The following MYO5B variants were observed in gnomAD, a reference collection of about 807,000 sequenced individuals.
MYO5B encodes the protein myosin VB, also known as unconventional myosin-Vb.
Under a neutral mutation model 229.3 loss-of-function variants are expected in MYO5B, and 143 were observed. That is an observed-to-expected ratio of 0.62 (90% CI 0.54 to 0.72). MYO5B has a LOEUF of 0.72. Among genes scored for constraint, MYO5B ranks in the 30% least tolerant of loss-of-function variants. MYO5B has a pLI of 0.00. For missense variants in MYO5B, 2,321 were observed against 2,331.0 expected (o/e 1.00, Z 0.09); for synonymous variants, 918 against 885.2 (o/e 1.04, Z -0.66).
chr18:49,876,879 C>A (rs1247506037), intron 25 of MYO5B, among the ~76,000 whole-genome samples: 1 of 152,206 alleles, frequency 6.6e-6, no homozygotes, highest in Non-Finnish European at 1.5e-5. Context: ...TTCTCTATTG[C>A]TGATGGTCTC....
Position 50,070,018 on chromosome 18 carries a change from C to CTTTTT in MYO5B, c.28-14645_28-14641dup, listed in dbSNP as rs765610800. On this transcript the variant is annotated intron_variant, in intron 1 of 39. Coordinates refer to ENST00000285039, the MANE Select transcript of MYO5B (RefSeq NM_001080467.3). ...CTTACCTGAAATATTGCAATTTAGTCTTTTTTTTTTTTTTTTTTTTTGAGA... is the reference window on the plus strand; with the variant it reads ...CTTACCTGAAATATTGCAATTTAGTCTTTTTTTTTTTTTTTTTTTTTTTTTTGAGA... 2.6e-4 allele frequency among the ~76,000 whole-genome samples: 29 copies of CTTTTT among 110,058 alleles called. No homozygotes were observed. The South Asian group carries it at 4.1e-3, about 16-fold the overall frequency. The allele number at this position is 110,058 out of a possible 152,430, so 72.2% of individuals were successfully genotyped here.
At chr18:49,991,954 A>T (rs1252641728) in intron 6 of MYO5B, among the ~76,000 whole-genome samples, 1 of 152,366 alleles carries the variant, frequency 6.6e-6, no homozygotes, top group East Asian at 1.9e-4. Context: ...CGTATTTATG[A>T]CATTCCCCTG....
intron 4 of MYO5B, among the ~76,000 whole-genome samples, chr18:50,003,689 T>C (rs1430171907): frequency 6.6e-6 from 1 of 152,154 alleles, no homozygotes. Flanking sequence ...GTATCTGCAA[T>C]AAGGAGAACT....
rs747567561 is a variant in MYO5B at position 50,040,281 on chromosome 18, G to A, written c.172C>T (p.Gln58Ter). The change falls in exon 3 of 40, where the codon CAG becomes TAG. Residue 58 changes from glutamine to a stop codon, truncating the protein, a stop_gained. Transcript: ENST00000285039. LOFTEE classifies it high-confidence loss of function. ...TCTGGATTCCGTAAGAAGGGCAGCT[G>A]GTTGCGTTGTACATCAATTGGGTAT... Reference protein sequence around the residue: ...LEYPIDVQRNQLPFLRNPDIL... With the variant: ...LEYPIDVQRN 2 of 1,614,062 alleles carry A rather than the reference G, an allele frequency of 1.2e-6. No homozygotes were observed. Among genetic ancestry groups the A allele is most frequent in the South Asian group, 2.2e-5 (2 of 91,058 alleles).
At chr18:50,119,400 G>A (rs2032021228) in intron 1 of MYO5B, among the ~76,000 whole-genome samples, 1 of 152,108 alleles carries the variant, frequency 6.6e-6, no homozygotes, top group African/African-American at 2.4e-5. Context: ...ACCAACAGCT[G>A]CATTCCATCT....
chr18:50,130,484 T>G (rs1172539741), intron 1 of MYO5B, among the ~76,000 whole-genome samples: 3 of 152,170 alleles, frequency 2.0e-5, no homozygotes, highest in Non-Finnish European at 4.4e-5. Flanking sequence ...CACATGCGGT[T>G]CATTTCTGTG....
At position 49,947,101 on chromosome 18, in the gene MYO5B, CT is replaced by C. The variant is rs74176748; in HGVS notation, c.1752+6158del. 9.6e-3 allele frequency among the ~76,000 whole-genome samples: 1,043 copies of C among 108,254 alleles called. 4 individuals are homozygous for C. The highest frequency in any genetic ancestry group is 0.03 in the African/African-American group (841 of 28,340). The allele number at this position is 108,254 out of a possible 152,430, so 71.0% of individuals were successfully genotyped here. On this transcript the variant is annotated intron_variant, in intron 14 of 39. Transcript: ENST00000285039. ...CACAATGAAAAGTAGTCACCAAGCT[CT>C]TTTTTTTTTTTTTTTTTTTTTGAGA...
intron 1 of MYO5B, among the ~76,000 whole-genome samples, chr18:50,092,349 T>A (rs1030974696): frequency 4.6e-5 from 7 of 152,042 alleles, no homozygotes; most frequent in Admixed American, 1.3e-4. Context: ...GGTCTTGCAT[T>A]TGAAAAGTGA....
chr18:49,898,479 G>T (rs1211904785), intron 21 of MYO5B, among the ~76,000 whole-genome samples: 1 of 152,244 alleles, frequency 6.6e-6, no homozygotes, highest in South Asian at 2.1e-4. Context: ...TAGGCTGGCA[G>T]AGAGCCGAGT....
chr18:50,088,574 A>G (rs2031380805), intron 1 of MYO5B, among the ~76,000 whole-genome samples: 1 of 152,228 alleles, frequency 6.6e-6, no homozygotes, highest in Admixed American at 6.5e-5. Context: ...ATATTTTGAC[A>G]TATCCTTTTG....
At chr18:49,883,362 T>C (rs1303374996) in intron 22 of MYO5B, among the ~76,000 whole-genome samples, 1 of 150,138 alleles carries the variant, frequency 6.7e-6, no homozygotes, top group Non-Finnish European at 1.5e-5. Flanking sequence ...CAATGAACAA[T>C]CTGAAAAATA....
chr18:50,152,509 T>C (rs1024389925), intron 1 of MYO5B, among the ~76,000 whole-genome samples: 1 of 152,240 alleles, frequency 6.6e-6, no homozygotes, highest in Non-Finnish European at 1.5e-5. Context: ...TACCAAAACC[T>C]CTGAGAATGG....
chr18:49,942,579 G>T (rs1321820384), intron 14 of MYO5B, among the ~76,000 whole-genome samples: 1 of 152,010 alleles, frequency 6.6e-6, no homozygotes, highest in Non-Finnish European at 1.5e-5. Context: ...CTTCTCAAAA[G>T]AAGACATTTA....
At chr18:50,030,421 T>C (rs1349503253) in intron 4 of MYO5B, among the ~76,000 whole-genome samples, 1 of 152,144 alleles carries the variant, frequency 6.6e-6, no homozygotes, top group African/African-American at 2.4e-5. Flanking sequence ...TTGCAACCTC[T>C]TCCCTCCTGT....
Position 49,877,820 on chromosome 18 carries a change from G to T in MYO5B, c.3339C>A (p.Tyr1113Ter). The T allele has an allele frequency of 6.2e-7, 1 of 1,614,158 alleles. No individual in the cohort carries two copies. The highest frequency in any genetic ancestry group is 8.5e-7 in the Non-Finnish European group (1 of 1,179,990). ...NQSSLESDSN[Y>*]PSISTSEIGD... ...CGATCTCAGATGTGGAGATGGAGGG[G>T]TAATTGGAGTCAGATTCTAAGCTAC... The change falls in exon 25 of 40, where the codon TAC (tyrosine) becomes TAA (stop). Residue 1113 changes from tyrosine (Y) to a stop codon, truncating the protein, a stop_gained. Coordinates refer to ENST00000285039, the MANE Select transcript of MYO5B (RefSeq NM_001080467.3). LOFTEE classifies it high-confidence loss of function.
At position 49,954,020 on chromosome 18, in the gene MYO5B, TTATATGTGTGTG is replaced by T. The variant is rs1235748908; in HGVS notation, c.1668+281_1668+292del. On this transcript the variant is annotated intron_variant, in intron 13 of 39. Transcript: ENST00000285039. Reference sequence around the variant, plus strand: ...CACAGACATATATGTGTGTATGTATTTATATGTGTGTGTGTGTGTGTGTGTGTGTGTGTGTGT... The same window carrying T: ...CACAGACATATATGTGTGTATGTATTTGTGTGTGTGTGTGTGTGTGTGTGT... Among the ~76,000 whole-genome samples the T allele has an allele frequency of 9.8e-4, 38 of 38,716 alleles. 1 individual carries two copies. The highest frequency in any genetic ancestry group is 4.2e-3 in the African/African-American group (36 of 8,522). The allele number at this position is 38,716 out of a possible 152,430, so 25.4% of individuals were successfully genotyped here.
At chr18:50,161,331 C>A (rs575935097) in intron 1 of MYO5B, among the ~76,000 whole-genome samples, 1 of 152,216 alleles carries the variant, frequency 6.6e-6, no homozygotes, top group Non-Finnish European at 1.5e-5. Context: ...TTGCAGTGAA[C>A]CAAGATAGTG....
At chr18:50,128,917 G>A (rs1037974189) in intron 1 of MYO5B, among the ~76,000 whole-genome samples, 6 of 152,182 alleles carry the variant, frequency 3.9e-5, no homozygotes, top group Non-Finnish European at 7.3e-5. Flanking sequence ...AGCGGCTGCC[G>A]GCTGGAAAAG....
At position 49,953,298 on chromosome 18, in the gene MYO5B, C is replaced by G. The variant is rs746143759; in HGVS notation, c.1714G>C (p.Val572Leu). ...DGFLEKNRDT[V>L]YEEQINILKA... ...AGGATATTGATCTGCTCTTCATACACCGTGTCTCTGTTTTTCTCCAGAAAA... is the reference window on the plus strand; with the variant it reads ...AGGATATTGATCTGCTCTTCATACAGCGTGTCTCTGTTTTTCTCCAGAAAA... Residue 572 changes from valine (V) to leucine (L), a missense_variant, in exon 14 of 40, where the codon GTG becomes CTG. Val to Leu is a conservative substitution (Grantham distance 32, BLOSUM62 1). Around this residue, in one of 2 missense-constraint regions of MYO5B, gnomAD observed 2,113 missense variants for 2,044.7 expected, o/e 1.03. Coordinates refer to ENST00000285039, the MANE Select transcript of MYO5B (RefSeq NM_001080467.3). 6.2e-7 allele frequency: 1 copy of G among 1,614,160 alleles called. No individual in the cohort carries two copies.
Sources: allele counts gnomAD v4.1 joint callset (sites outside exome capture counted in the v4.1 genomes callset), GRCh38; gene constraint gnomAD v4.1.1; regional missense constraint gnomAD v4.1.1; transcripts MANE v1.5; gene names NCBI Gene and HGNC (gene_info 2026-07-23, HGNC 2026-07-21).